TGM4: variants seen among roughly 807,000 people sequenced by gnomAD.
TGM4 encodes protein-glutamine gamma-glutamyltransferase 4.
In TGM4, 61 loss-of-function variants were observed where a neutral mutation model predicts 76.3. The ratio of observed to expected loss-of-function variants is 0.80; its 90% CI spans 0.65 to 0.99. TGM4 has a LOEUF of 0.99. TGM4 is among the 50% of genes least tolerant of loss of function. The pLI, the probability that TGM4 is intolerant of heterozygous loss-of-function variation, is 0.00. For missense variants in TGM4, 794 were observed against 843.2 expected (o/e 0.94, Z 0.72); for synonymous variants, 337 against 329.8 (o/e 1.02, Z -0.24).
At chr3:44,893,538 G>A (rs1183722855) in intron 4 of TGM4, 39 bp from the exon 5 acceptor site, 2 of 1,570,980 alleles carry the variant, frequency 1.3e-6, no homozygotes, top group East Asian at 2.2e-5. Flanking sequence ...CTGTCCCAGG[G>A]CAGAATATAA....
Position 44,914,692 on chromosome 3 carries a change from C to G in TGM4, c.*967C>G, listed in dbSNP as rs1253395966. 2.6e-5 allele frequency: 4 copies of G among 152,176 alleles called. No individual in the cohort carries two copies. The highest frequency in any genetic ancestry group is 9.7e-5 in the African/African-American group (4 of 41,424). 9.4% of individuals were successfully genotyped at this position (152,176 alleles called of 1,614,324 possible). ...GCAGTCACTTGGGGAGCCATGGAATCCTTTGATCTCCCCAGGCAAGGTGCT... is the reference window on the plus strand; with the variant it reads ...GCAGTCACTTGGGGAGCCATGGAATGCTTTGATCTCCCCAGGCAAGGTGCT... On this transcript the variant is annotated 3_prime_UTR_variant, in exon 14 of 14. Coordinates refer to ENST00000296125, the MANE Select transcript of TGM4 (RefSeq NM_003241.4).
At chr3:44,887,571 G>T in intron 2 of TGM4, 118 bp from the exon 3 acceptor site, 1 of 824,414 alleles carries the variant, frequency 1.2e-6, no homozygotes, top group Middle Eastern at 3.5e-4. Context: ...GGGGACAAAT[G>T]AGCCTGGAAA....
rs750505124 is a variant in TGM4, at chr3:44,885,440, G to A, written c.135G>A (p.Arg45=). ...GGCGAGGACAGGTGTTTCACCTGCGGCTGGTGCTGAACCAGCCCCTACAAT... is the reference window on the plus strand; with the variant it reads ...GGCGAGGACAGGTGTTTCACCTGCGACTGGTGCTGAACCAGCCCCTACAAT... ...VFRRGQVFHL[R]LVLNQPLQSY... Residue 45 remains arginine (R), a synonymous_variant, in exon 2 of 14, where the codon CGG becomes CGA. Transcript: ENST00000296125. The A allele has an allele frequency of 2.4e-5, 38 of 1,613,154 alleles. 1 individual carries two copies. The South Asian group carries it at 3.7e-4, about 16-fold the overall frequency.
intron 11 of TGM4, 85 bp downstream of exon 11, chr3:44,910,453 C>T: frequency 6.8e-7 from 1 of 1,470,336 alleles, no homozygotes; most frequent in Non-Finnish European, 9.1e-7. Context: ...TGGACAACTT[C>T]CATACATTGA....
At chr3:44,901,771 A>C (rs765892203) in intron 7 of TGM4, 22 bp from the exon 8 acceptor site, 1 of 1,613,378 alleles carries the variant, frequency 6.2e-7, no homozygotes, top group Non-Finnish European at 8.5e-7. Context: ...GTTGCCAACC[A>C]CCCCACCCTG....
At chr3:44,904,241 A>T (rs976038556) in intron 9 of TGM4, among the ~76,000 whole-genome samples, 3 of 141,218 alleles carry the variant, frequency 2.1e-5, no homozygotes, top group Non-Finnish European at 4.8e-5. Context: ...AGGGTTCCCT[A>T]CTGCATACCA....
At chr3:44,884,236 G>A (rs1045898941) in intron 1 of TGM4, among the ~76,000 whole-genome samples, 9 of 152,174 alleles carry the variant, frequency 5.9e-5, no homozygotes, top group Non-Finnish European at 1.2e-4. Flanking sequence ...AACATAAGTA[G>A]TTTTACAACC....
chr3:44,894,667 C>T (rs904188894), intron 5 of TGM4, among the ~76,000 whole-genome samples: 9 of 151,526 alleles, frequency 5.9e-5, no homozygotes, highest in Admixed American at 5.2e-4. Context: ...GATTTGACAA[C>T]AAAAAACTCC....
intron 2 of TGM4, among the ~76,000 whole-genome samples, chr3:44,887,037 G>A (rs949114322): frequency 6.6e-6 from 1 of 152,220 alleles, no homozygotes. Context: ...AGCACGGCAA[G>A]TGCCAGGGCC....
At position 44,896,775 on chromosome 3, in the gene TGM4, A is replaced by G. The variant is rs751743493; in HGVS notation, c.616A>G (p.Arg206Gly). 20 of 1,614,054 alleles carry G rather than the reference A, an allele frequency of 1.2e-5. No homozygotes were observed. In the South Asian group the frequency reaches 1.9e-4, roughly 15 times the overall value. ...LTESSLKPTD[R>G]RDPVLVCRAM... The stretch of plus-strand genomic sequence containing the variant: ...TGAGAGCTCCCTCAAGCCCACAGAT[A>G]GGAGGGACCCCGTGCTGGTGTGCAG... Residue 206 changes from arginine to glycine, a missense_variant, in exon 6 of 14, where the codon AGG becomes GGG. Transcript: ENST00000296125.
chr3:44,886,820 G>A (rs566713450), intron 2 of TGM4, among the ~76,000 whole-genome samples: 2 of 152,354 alleles, frequency 1.3e-5, no homozygotes, highest in East Asian at 3.9e-4. Flanking sequence ...AAACAAAAGT[G>A]CAAGATAATT....
intron 9 of TGM4, among the ~76,000 whole-genome samples, chr3:44,905,276 G>A (rs527709710): frequency 7.5e-5 from 11 of 146,478 alleles, no homozygotes; most frequent in South Asian, 2.3e-4. Flanking sequence ...GTGAACCACC[G>A]CACCCAGCCT....
At chr3:44,882,986 G>T (rs1012571299) in intron 1 of TGM4, among the ~76,000 whole-genome samples, 2 of 152,178 alleles carry the variant, frequency 1.3e-5, no homozygotes, top group African/African-American at 4.8e-5. Context: ...TTAGGATTTG[G>T]ATTTCTTAAC....
At chr3:44,882,257 G>C (rs1232274704) in intron 1 of TGM4, among the ~76,000 whole-genome samples, 1 of 152,058 alleles carries the variant, frequency 6.6e-6, no homozygotes, top group Non-Finnish European at 1.5e-5. Context: ...CAGCCCCAGT[G>C]TGGCTTCCTG....
At chr3:44,875,377 A>G (rs1392751313) in intron 1 of TGM4, among the ~76,000 whole-genome samples, 1 of 152,178 alleles carries the variant, frequency 6.6e-6, no homozygotes, top group African/African-American at 2.4e-5. Context: ...ATGTCTCTCA[A>G]TGTGTCCTGT....
At chr3:44,901,473 C>G (rs1462580270) in intron 6 of TGM4, 51 bp from the exon 7 acceptor site, 1 of 1,542,124 alleles carries the variant, frequency 6.5e-7, no homozygotes, top group Non-Finnish European at 8.8e-7. Context: ...GCTGGCAGCA[C>G]CTTGTTCTTC....
intron 10 of TGM4, among the ~76,000 whole-genome samples, chr3:44,909,181 C>A (rs1437463280): frequency 1.3e-5 from 2 of 152,220 alleles, no homozygotes; most frequent in African/African-American, 4.8e-5. Context: ...AGTTAGGGTA[C>A]ATTTCAATGC....
rs140010521 is a variant in TGM4, at chr3:44,905,731, G to A, written c.1076-1218G>A. ...AAAAATGCTGTTAAAAGTGAAAACA[G>A]CCTCCACATTTCTCCAAAGATAAGG... On this transcript the variant is annotated intron_variant, in intron 9 of 13. Coordinates refer to ENST00000296125, the MANE Select transcript of TGM4 (RefSeq NM_003241.4). Among the ~76,000 whole-genome samples, 50 of 152,378 alleles carry A rather than the reference G, an allele frequency of 3.3e-4. 1 individual carries two copies. The highest frequency in any genetic ancestry group is 1.0e-3 in the African/African-American group (43 of 41,592).
At chr3:44,881,045 T>G (rs1699524675) in intron 1 of TGM4, among the ~76,000 whole-genome samples, 1 of 147,634 alleles carries the variant, frequency 6.8e-6, no homozygotes, top group African/African-American at 2.6e-5. Flanking sequence ...TAGTAAGACT[T>G]CATCACCACT....
Sources: gnomAD v4.1 joint callset for allele counts (sites outside exome capture counted in the v4.1 genomes callset) on GRCh38, gnomAD v4.1.1 for gene constraint, MANE v1.5 for transcripts, NCBI Gene and HGNC (gene_info 2026-07-23, HGNC 2026-07-21) for gene names.